The following TACC2 variants were observed in gnomAD, a reference collection of about 807,000 sequenced individuals.
The protein encoded by TACC2 is transforming acidic coiled-coil containing protein 2, also known as transforming acidic coiled-coil-containing protein 2.
In TACC2, 137 loss-of-function variants were observed where a neutral mutation model predicts 227.3. The ratio of observed to expected loss-of-function variants is 0.60; its 90% CI spans 0.52 to 0.69. TACC2 has a LOEUF of 0.69. TACC2 is among the 30% of genes least tolerant of loss of function. The pLI, the probability that TACC2 is intolerant of heterozygous loss-of-function variation, is 0.00. For missense variants in TACC2, 3,470 were observed against 3,694.4 expected, an observed-to-expected ratio of 0.94 and a Z score of 1.57; for synonymous variants, 1,523 against 1,487.5, an observed-to-expected ratio of 1.02 and a Z score of -0.55.
chr10:122,116,007 G>T (rs2084636076), intron 5 of TACC2, among the ~76,000 whole-genome samples: 1 of 151,898 alleles, frequency 6.6e-6, no homozygotes, highest in Non-Finnish European at 1.5e-5. Context: ...GGCTAGCTGT[G>T]TTTTTTTTCT....
chr10:121,996,895 G>A lies in TACC2; in HGVS notation c.-46+7407G>A, dbSNP rs117720213. 6.6e-5 allele frequency among the ~76,000 whole-genome samples: 10 copies of A among 152,180 alleles called. No individual in the cohort carries two copies. In the East Asian group the frequency reaches 1.7e-3, roughly 27 times the overall value. ...CCCTGGACTCAATAGAGAAAGCCAT[G>A]GGAATCAATGGACTCTCCAAGGAGA... On this transcript the variant is annotated intron_variant, in intron 1 of 22. Coordinates refer to ENST00000369005, the MANE Select transcript of TACC2 (RefSeq NM_206862.4).
intron 22 of TACC2, among the ~76,000 whole-genome samples, chr10:122,251,553 A>T (rs2096255168): frequency 6.6e-6 from 1 of 152,290 alleles, no homozygotes; most frequent in South Asian, 2.1e-4. Flanking sequence ...TCATACTAGA[A>T]GCCAGGCATG....
At chr10:122,176,130 T>A (rs2093705746) in intron 7 of TACC2, among the ~76,000 whole-genome samples, 3 of 133,846 alleles carry the variant, frequency 2.2e-5, no homozygotes, top group Admixed American at 2.2e-4. Context: ...TATATATATA[T>A]ATATATATAT....
intron 7 of TACC2, among the ~76,000 whole-genome samples, chr10:122,172,397 G>C (rs532879064): frequency 6.6e-6 from 1 of 152,146 alleles, no homozygotes; most frequent in Admixed American, 6.5e-5. Context: ...CCTTCCTGGG[G>C]CTCAGATCTG....
intron 22 of TACC2, among the ~76,000 whole-genome samples, chr10:122,252,054 G>A (rs1308206322): frequency 1.3e-5 from 2 of 152,218 alleles, no homozygotes; most frequent in Non-Finnish European, 2.9e-5. Flanking sequence ...CATGAGCTGA[G>A]CTTTATGATG....
At position 122,150,899 on chromosome 10, in the gene TACC2, G is replaced by A. The variant is rs190502552; in HGVS notation, c.5834+7193G>A. 3.3e-5 allele frequency among the ~76,000 whole-genome samples: 5 copies of A among 152,276 alleles called. No homozygotes were observed. Among genetic ancestry groups the A allele is most frequent in the Admixed American group, 3.3e-4 (5 of 15,296 alleles). ...GTTGATTCTATGCCACGGACTATTC[G>A]GAAGGTGGCGCAGGGGAAGGAGCAT... On this transcript the variant is annotated intron_variant, in intron 7 of 22. Coordinates refer to ENST00000369005, the MANE Select transcript of TACC2 (RefSeq NM_206862.4). This position sits in a 1 kb window ranked among gnomAD's most constrained non-coding sequence, Gnocchi z 4.0.
At chr10:122,073,883 C>G (rs1368054619) in intron 3 of TACC2, among the ~76,000 whole-genome samples, 1 of 151,946 alleles carries the variant, frequency 6.6e-6, no homozygotes, top group Non-Finnish European at 1.5e-5. Flanking sequence ...GGGTTCACAC[C>G]ATTCTCCTGC....
At position 122,216,590 on chromosome 10, in the gene TACC2, C is replaced by T. The variant is rs746694591; in HGVS notation, c.7345-37C>T. The T allele has an allele frequency of 6.9e-6, 11 of 1,598,392 alleles. No individual in the cohort carries two copies. In the East Asian group the frequency reaches 2.2e-4, roughly 32 times the overall value. On this transcript the variant is annotated intron_variant, in intron 10 of 22. Coordinates refer to ENST00000369005, the MANE Select transcript of TACC2 (RefSeq NM_206862.4). ...GTGGGCACAGTTTCTGACCAAGAGT[C>T]TGATGAGACAAGAAACAGTTTCTCT... is the stretch of plus-strand genomic sequence containing the variant.
rs191298123 is a variant in TACC2 at position 122,088,470 on chromosome 10, T to G, written c.5460-8T>G. 2 of 1,605,132 alleles carry G rather than the reference T, an allele frequency of 1.2e-6. No individual in the cohort carries two copies. The highest frequency in any genetic ancestry group is 1.7e-6 in the Non-Finnish European group (2 of 1,175,700). ...TATCCTATTAATTGCTTTCTTTTAT[T>G]ATCCCAGAGAGAGCCCCAGGCCTGG... On this transcript the variant is annotated splice_polypyrimidine_tract_variant and splice_region_variant and intron_variant, in intron 4 of 22. Transcript: ENST00000369005.
At chr10:122,121,576 T>G (rs1276373999) in intron 5 of TACC2, among the ~76,000 whole-genome samples, 1 of 152,190 alleles carries the variant, frequency 6.6e-6, no homozygotes, top group Admixed American at 6.5e-5. Context: ...CAGGAGTATC[T>G]AAAAAATGTC....
intron 2 of TACC2, among the ~76,000 whole-genome samples, chr10:122,043,373 C>T (rs986665167): frequency 3.3e-5 from 5 of 152,162 alleles, no homozygotes; most frequent in Non-Finnish European, 7.3e-5. Flanking sequence ...AAATATCACT[C>T]ATTCATTCAC....
At chr10:122,000,253 C>T (rs1423198169) in intron 1 of TACC2, among the ~76,000 whole-genome samples, 2 of 152,134 alleles carry the variant, frequency 1.3e-5, no homozygotes, top group Non-Finnish European at 2.9e-5. Flanking sequence ...GTGGTGGGTG[C>T]CTGTAGTCCC....
chr10:122,232,397 G>A (rs574984750), intron 16 of TACC2, among the ~76,000 whole-genome samples: 26 of 152,298 alleles, frequency 1.7e-4, no homozygotes, highest in East Asian at 1.4e-3. Context: ...TTGGAGAGCG[G>A]CCAGAGATGA....
In TACC2 at chr10:122,086,589, A is replaced by G; in HGVS notation, c.4089A>G (p.Ala1363=). Residue 1363 remains alanine, a synonymous_variant, in exon 4 of 23, where the codon GCA becomes GCG. Transcript: ENST00000369005. ...CCAAGGCCAGTGGGGAGGGCATGGC[A>G]GGTGATGCAGCAGGAGAGACAGAGG... ...AGAKASGEGM[A]GDAAGETEGS... 1 of 1,598,406 alleles carries G rather than the reference A, an allele frequency of 6.3e-7. No individual in the cohort carries two copies. Among genetic ancestry groups the G allele is most frequent in the Non-Finnish European group, 8.5e-7 (1 of 1,172,268 alleles).
intron 22 of TACC2, among the ~76,000 whole-genome samples, chr10:122,251,980 G>A (rs1284188353): frequency 6.6e-6 from 1 of 152,224 alleles, no homozygotes; most frequent in Non-Finnish European, 1.5e-5. Context: ...GATTCACCCA[G>A]ACAATTCTTG....
chr10:122,157,696 T>C (rs1185991269), intron 7 of TACC2, among the ~76,000 whole-genome samples: 1 of 152,164 alleles, frequency 6.6e-6, no homozygotes, highest in Non-Finnish European at 1.5e-5. Context: ...CTTTTCTTCC[T>C]GTATTTTCTT....
chr10:122,085,817 C>G lies in TACC2; in HGVS notation c.3317C>G (p.Ser1106Trp), dbSNP rs753194129. 6 of 1,612,924 alleles carry G rather than the reference C, an allele frequency of 3.7e-6. No individual in the cohort carries two copies. The highest frequency in any genetic ancestry group is 4.2e-6 in the Non-Finnish European group (5 of 1,179,348). ...CAGAAAATGGAGTGCTGGGCCACTT[C>G]GGATGCAGAGTCCCCAAAGCTTCTT... ...PQQKMECWAT[S>W]DAESPKLLAS... The change falls in exon 4 of 23, where the codon TCG becomes TGG. Residue 1106 changes from serine to tryptophan, a missense_variant. Physicochemically the swap from Ser to Trp is radical, Grantham distance 177. This residue lies in a region of TACC2 where 1,924 missense variants were observed against 1,978.3 expected (regional missense o/e 0.97). Transcript: ENST00000369005.
intron 5 of TACC2, among the ~76,000 whole-genome samples, chr10:122,089,477 C>T (rs2080482598): frequency 6.6e-6 from 1 of 152,198 alleles, no homozygotes; most frequent in East Asian, 1.9e-4. Flanking sequence ...TTGCAGTGTG[C>T]CTGCCTGTTC....
chr10:122,244,662 C>T (rs753008212), intron 19 of TACC2, among the ~76,000 whole-genome samples: 5 of 152,140 alleles, frequency 3.3e-5, no homozygotes, highest in Non-Finnish European at 7.3e-5. Flanking sequence ...TTTCCATTTT[C>T]ACTCACGTAA....
Sources: gnomAD v4.1 joint callset for allele counts (sites outside exome capture counted in the v4.1 genomes callset) on GRCh38, gnomAD v4.1.1 for gene constraint, gnomAD v4.1.1 regional missense constraint, Gnocchi (gnomAD v3.1) non-coding constraint, MANE v1.5 for transcripts, NCBI Gene and HGNC (gene_info 2026-07-23, HGNC 2026-07-21) for gene names.